The following DAGLA variants were observed in gnomAD, a reference collection of about 807,000 sequenced individuals.
The protein encoded by DAGLA is diacylglycerol lipase alpha.
In DAGLA, 22 loss-of-function variants were observed where a neutral mutation model predicts 102.6. That is an observed-to-expected ratio of 0.21 (90% CI 0.15 to 0.31). The LOEUF (loss-of-function observed/expected upper bound fraction) is 0.31, where lower values mean the gene tolerates loss of function less well. Among genes scored for constraint, DAGLA ranks in the 10% least tolerant of loss-of-function variants. DAGLA has a pLI of 1.00. For synonymous variants in DAGLA, 578 were observed against 628.9 expected, an observed-to-expected ratio of 0.92 and a Z score of 1.21; for missense variants, 927 against 1,446.6, an observed-to-expected ratio of 0.64 and a Z score of 5.83.
chr11:61,743,627 A>G lies in DAGLA; in HGVS notation c.2267A>G (p.Glu756Gly). Residue 756 changes from glutamate (E) to glycine (G), a missense_variant, in exon 20 of 20, where the codon GAG becomes GGG. Glu to Gly is a moderately conservative substitution (Grantham distance 98). Around this residue, in one of 4 missense-constraint regions of DAGLA, gnomAD observed 434 missense variants for 503.3 expected, o/e 0.86. Coordinates refer to ENST00000257215, the MANE Select transcript of DAGLA (RefSeq NM_006133.3). ...VAAAARQDPV[E>G]LLLLSTQERL... Reference sequence around the variant, plus strand: ...GCGGCGGCCCGCCAGGACCCGGTGGAGCTGCTGCTGCTGTCTACCCAGGAG... The same window carrying G: ...GCGGCGGCCCGCCAGGACCCGGTGGGGCTGCTGCTGCTGTCTACCCAGGAG... 1 of 1,593,676 alleles carries G rather than the reference A, an allele frequency of 6.3e-7. No individual in the cohort carries two copies. The highest frequency in any genetic ancestry group is 8.5e-7 in the Non-Finnish European group (1 of 1,173,774).
intron 15 of DAGLA, 51 bp downstream of exon 15, chr11:61,737,806 C>G: frequency 6.8e-7 from 1 of 1,466,956 alleles, no homozygotes; most frequent in Non-Finnish European, 9.6e-7. Flanking sequence ...TTCCTCCCTC[C>G]TCCAGGCCTC....
Position 61,720,883 on chromosome 11 carries a change from G to T in DAGLA, c.300G>T (p.Val100=). 1 of 1,611,646 alleles carries T rather than the reference G, an allele frequency of 6.2e-7. No homozygotes were observed. The part of the protein sequence containing the change: ...PRDSMQYVLY[V]RLAILVIEFI... ...ACTCCATGCAGTACGTGCTCTACGTGCGCCTGGGTAAGGGCCACCCACCCT... is the reference window on the plus strand; with the variant it reads ...ACTCCATGCAGTACGTGCTCTACGTTCGCCTGGGTAAGGGCCACCCACCCT... The change falls in exon 3 of 20, where the codon GTG becomes GTT. Residue 100 remains valine (V), a synonymous_variant. Transcript: ENST00000257215.
chr11:61,684,754 G>A lies in DAGLA; in HGVS notation c.-45+4250G>A, dbSNP rs866036832. Among the ~76,000 whole-genome samples the A allele has an allele frequency of 1.5e-4, 22 of 151,460 alleles. No individual in the cohort carries two copies. Among genetic ancestry groups the A allele is most frequent in the African/African-American group, 5.3e-4 (22 of 41,214 alleles). On this transcript the variant is annotated intron_variant, in intron 1 of 19. Coordinates refer to ENST00000257215, the MANE Select transcript of DAGLA (RefSeq NM_006133.3). This position sits in a 1 kb window ranked among gnomAD's most constrained non-coding sequence, Gnocchi z 4.5. ...GAAGTGAGGGCGGAGGGGGTGTGGAGCGCCTGGTGGTGTGGGAGCGCGCAG... is the reference window on the plus strand; with the variant it reads ...GAAGTGAGGGCGGAGGGGGTGTGGAACGCCTGGTGGTGTGGGAGCGCGCAG...
In DAGLA at chr11:61,698,545, A is replaced by G. The variant is rs79369885; in HGVS notation, c.-45+18041A>G. ...GAAGCTTGGTGCACGTAGCACGGAC[A>G]GTTTCCAAAGGAAAGGAAACCTCGT... On this transcript the variant is annotated intron_variant, in intron 1 of 19. Coordinates refer to ENST00000257215, the MANE Select transcript of DAGLA (RefSeq NM_006133.3). 1.1e-3 allele frequency among the ~76,000 whole-genome samples: 170 copies of G among 152,338 alleles called. 1 individual carries two copies. In the East Asian group the frequency reaches 0.029, roughly 26 times the overall value.
chr11:61,697,295 T>C (rs965313690), intron 1 of DAGLA, among the ~76,000 whole-genome samples: 35 of 152,268 alleles, frequency 2.3e-4, no homozygotes, highest in African/African-American at 8.2e-4. Flanking sequence ...CTTGGCCCGC[T>C]GCTGTGGTCA....
At chr11:61,696,150 G>A (rs1371902826) in intron 1 of DAGLA, among the ~76,000 whole-genome samples, 1 of 152,164 alleles carries the variant, frequency 6.6e-6, no homozygotes, top group Non-Finnish European at 1.5e-5. Flanking sequence ...CTGCGGGAGG[G>A]GCTGGGCACC....
Position 61,735,556 on chromosome 11 carries a change from C to T in DAGLA, c.1129-5C>T. ...GCTCAGGCTCACGAGCTGCCCGCCT[C>T]CTAGGTCTATGAAACGCCCTTCTAC... On this transcript the variant is annotated splice_polypyrimidine_tract_variant and splice_region_variant and intron_variant, in intron 10 of 19. Coordinates refer to ENST00000257215, the MANE Select transcript of DAGLA (RefSeq NM_006133.3). 1 of 1,613,868 alleles carries T rather than the reference C, an allele frequency of 6.2e-7. No homozygotes were observed. The highest frequency in any genetic ancestry group is 8.5e-7 in the Non-Finnish European group (1 of 1,179,854).
intron 3 of DAGLA, among the ~76,000 whole-genome samples, chr11:61,722,070 G>A (rs1565257327): frequency 1.3e-5 from 2 of 152,244 alleles, no homozygotes; most frequent in Non-Finnish European, 2.9e-5. Flanking sequence ...CAGACCAGCT[G>A]CTGGGCCCTT....
intron 1 of DAGLA, among the ~76,000 whole-genome samples, chr11:61,713,428 C>T (rs978781864): frequency 6.6e-6 from 1 of 152,148 alleles, no homozygotes; most frequent in Non-Finnish European, 1.5e-5. Flanking sequence ...AGATGTGCGC[C>T]GAGACCTTGT....
At chr11:61,724,629 G>C (rs944873679) in intron 5 of DAGLA, among the ~76,000 whole-genome samples, 1 of 152,164 alleles carries the variant, frequency 6.6e-6, no homozygotes, top group Non-Finnish European at 1.5e-5. Context: ...GACCTTCCAC[G>C]TCAGCTCAGC....
chr11:61,684,372 T>C lies in DAGLA; in HGVS notation c.-45+3868T>C, dbSNP rs1191177702. 2.0e-5 allele frequency among the ~76,000 whole-genome samples: 3 copies of C among 152,190 alleles called. No homozygotes were observed. Among genetic ancestry groups the C allele is most frequent in the African/African-American group, 7.2e-5 (3 of 41,438 alleles). ...AGGATGCGGTTACCTCCCCAGCGGA[T>C]AGGGCTGAAAATGGTTTATTTTGAT... On this transcript the variant is annotated intron_variant, in intron 1 of 19. Coordinates refer to ENST00000257215, the MANE Select transcript of DAGLA (RefSeq NM_006133.3). This position sits in a 1 kb window ranked among gnomAD's most constrained non-coding sequence, Gnocchi z 4.5.
chr11:61,718,801 G>T (rs1028177474), intron 1 of DAGLA, among the ~76,000 whole-genome samples: 1 of 152,202 alleles, frequency 6.6e-6, no homozygotes, highest in Non-Finnish European at 1.5e-5. Flanking sequence ...TGGCTGCACC[G>T]GGGATAGGGA....
chr11:61,744,111 C>T lies in DAGLA; in HGVS notation c.2751C>T (p.Ile917=), dbSNP rs1051782947. 5 of 1,612,872 alleles carry T rather than the reference C, an allele frequency of 3.1e-6. No individual in the cohort carries two copies. Among genetic ancestry groups the T allele is most frequent in the Non-Finnish European group, 4.2e-6 (5 of 1,179,984 alleles). ...AGGTGCTGGAATTCGCCGAGTTCATCGACAGCCTCTTCAACCTGGACAGCA... is the reference window on the plus strand; with the variant it reads ...AGGTGCTGGAATTCGCCGAGTTCATTGACAGCCTCTTCAACCTGGACAGCA... ...SPQVLEFAEF[I]DSLFNLDSKS... is the part of the protein sequence containing the mutation. The change falls in exon 20 of 20, where the codon ATC becomes ATT. Residue 917 remains isoleucine (I), a synonymous_variant. Coordinates refer to ENST00000257215, the MANE Select transcript of DAGLA (RefSeq NM_006133.3).
At chr11:61,727,212 G>A (rs866646353) in intron 6 of DAGLA, among the ~76,000 whole-genome samples, 3 of 152,236 alleles carry the variant, frequency 2.0e-5, no homozygotes, top group Admixed American at 6.5e-5. Context: ...TTAATTGGAT[G>A]CCAGCATTTA....
At chr11:61,689,713 C>G (rs1312589039) in intron 1 of DAGLA, among the ~76,000 whole-genome samples, 3 of 136,386 alleles carry the variant, frequency 2.2e-5, no homozygotes. Context: ...ACCGTGTTAG[C>G]CAGGATGGTC....
chr11:61,714,214 G>A (rs901426779), intron 1 of DAGLA, among the ~76,000 whole-genome samples: 1 of 152,192 alleles, frequency 6.6e-6, no homozygotes, highest in Non-Finnish European at 1.5e-5. Flanking sequence ...GGGACTTTCT[G>A]TCCTGGGGAC....
intron 16 of DAGLA, 78 bp downstream of exon 16, chr11:61,738,285 C>G: frequency 1.6e-6 from 2 of 1,279,290 alleles, no homozygotes; most frequent in Non-Finnish European, 2.2e-6. Flanking sequence ...TTTCTTGGGA[C>G]AAAGCACAAG....
intron 19 of DAGLA, among the ~76,000 whole-genome samples, chr11:61,742,787 C>T (rs1231677610): frequency 8.2e-6 from 1 of 121,354 alleles, no homozygotes; most frequent in African/African-American, 3.1e-5. Context: ...TCCCTCCCTT[C>T]CTCCTTCCCT....
At chr11:61,738,022 G>A (rs941121325) in intron 15 of DAGLA, 113 bp from the exon 16 acceptor site, 45 of 842,842 alleles carry the variant, frequency 5.3e-5, no homozygotes, top group Admixed American at 4.9e-4. Context: ...CCTGGCTGAC[G>A]TGTCTTCTTG....
Sources: allele counts gnomAD v4.1 joint callset (sites outside exome capture counted in the v4.1 genomes callset), GRCh38; gene constraint gnomAD v4.1.1; regional missense constraint gnomAD v4.1.1; non-coding constraint Gnocchi (gnomAD v3.1); transcripts MANE v1.5; gene names NCBI Gene and HGNC (gene_info 2026-07-23, HGNC 2026-07-21).